F13B: variants seen among roughly 807,000 people sequenced by gnomAD.
F13B encodes the protein TGase.
A neutral mutation model predicts 79.8 loss-of-function variants in F13B; 58 were observed. The ratio of observed to expected loss-of-function variants is 0.73; its 90% CI spans 0.59 to 0.90. F13B has a LOEUF of 0.90. Among genes scored for constraint, F13B ranks in the 40% least tolerant of loss-of-function variants. The probability of loss-of-function intolerance (pLI) is 0.00; values close to 1 mark genes in which losing one functional copy is unlikely to be tolerated. For missense variants in F13B, 773 were observed against 777.0 expected (o/e 0.99, Z 0.06); for synonymous variants, 283 against 260.3 (o/e 1.09, Z -0.84).
chr1:197,044,068 T>G (rs11586343), intron 10 of F13B, among the ~76,000 whole-genome samples: 71,882 of 150,612 alleles, frequency 0.48, 17,522 homozygotes, highest in Middle Eastern at 0.56. Flanking sequence ...TATATATATA[T>G]AGAGAGAGAG....
chr1:197,059,344 C>A (rs1361445136), intron 5 of F13B, among the ~76,000 whole-genome samples: 1 of 152,156 alleles, frequency 6.6e-6, no homozygotes, highest in Non-Finnish European at 1.5e-5. Context: ...AGTTACTGTA[C>A]AGTGCATTTA....
At chr1:197,046,037 G>C (rs1312157984) in intron 10 of F13B, among the ~76,000 whole-genome samples, 2 of 152,162 alleles carry the variant, frequency 1.3e-5, no homozygotes, top group African/African-American at 4.8e-5. Flanking sequence ...AGCTGTTCAT[G>C]ACAAACCCAC....
In F13B at chr1:197,040,570, T is replaced by C; in HGVS notation, c.1904A>G (p.Gln635Arg). 6.2e-7 allele frequency: 1 copy of C among 1,613,238 alleles called. No individual in the cohort carries two copies. Among genetic ancestry groups the C allele is most frequent in the Non-Finnish European group, 8.5e-7 (1 of 1,179,486 alleles). ...LYITGSILRM[Q>R]CDRGQLKYPR... ...ATATTTTAACTGCCCTCTGTCACAT[T>C]GCATTCTAAGTATAGATCCAGTAAT... is the stretch of plus-strand genomic sequence containing the variant. Residue 635 changes from glutamine to arginine, a missense_variant, in exon 11 of 12, where the codon CAA (glutamine) becomes CGA (arginine). Gln to Arg is a conservative substitution (Grantham distance 43). Transcript: ENST00000367412.
intron 10 of F13B, among the ~76,000 whole-genome samples, chr1:197,044,237 C>T (rs1207598653): frequency 6.6e-6 from 1 of 152,000 alleles, no homozygotes; most frequent in Non-Finnish European, 1.5e-5. Context: ...TTGCCTGGCT[C>T]AGCAGTTTCC....
chr1:197,060,515 ATTAATC>A lies in F13B; in HGVS notation c.650_655del (p.Arg217_Leu218del), dbSNP rs1655812134. 6.3e-7 allele frequency: 1 copy of A among 1,597,562 alleles called. No individual in the cohort carries two copies. Among genetic ancestry groups the A allele is most frequent in the Admixed American group, 1.7e-5 (1 of 58,120 alleles). ...TACAGGATGAAAATAACCATTTTCA[ATTAATC>A]TTAAAGAAGAGCACTTTAATTCTGC... On this transcript the variant is annotated inframe_deletion, in exon 5 of 12. Coordinates refer to ENST00000367412, the MANE Select transcript of F13B (RefSeq NM_001994.3).
Position 197,063,016 on chromosome 1 carries a change from C to A in F13B, c.106G>T (p.Ala36Ser). 4 of 1,612,878 alleles carry A rather than the reference C, an allele frequency of 2.5e-6. No homozygotes were observed. In the Middle Eastern group the frequency reaches 7.3e-4, roughly 293 times the overall value. ...GFPHVENGRI[A>S]QYYYTFKSFY... ...CTTTTAAAAGTATAGTAATATTGGG[C>A]AATTCTTCCATTTTCCACATGAGGA... The change falls in exon 2 of 12, where the codon GCC (alanine) becomes TCC (serine). Residue 36 changes from alanine (A) to serine (S), a missense_variant. Coordinates refer to ENST00000367412, the MANE Select transcript of F13B (RefSeq NM_001994.3).
chr1:197,060,632 A>G, intron 4 of F13B, 90 bp from the exon 5 acceptor site: 1 of 957,776 alleles, frequency 1.0e-6, no homozygotes, highest in South Asian at 1.6e-5. Flanking sequence ...TAACTAGAAT[A>G]GAAATTAAAT....
rs375895783 is a variant in F13B, at chr1:197,062,293, G to A, written c.266-324C>T. ...TTACTCTGGGTCACCTGCCCTAGTG[G>A]AAGATCATTGATAGTTTGATGATAG... On this transcript the variant is annotated intron_variant, in intron 2 of 11. Transcript: ENST00000367412. Among the ~76,000 whole-genome samples, 87 of 152,200 alleles carry A rather than the reference G, an allele frequency of 5.7e-4. No individual in the cohort carries two copies. In the East Asian group the frequency reaches 7.9e-3, roughly 14 times the overall value.
rs1654958591 is a variant in F13B, at chr1:197,039,487, A to AT, written c.1953-77dup. ...TGTTAATTACAATCTCAGCCTTTCA[A>AT]TTTTTCATATAATGAGTCATTGTTT... On this transcript the variant is annotated intron_variant, in intron 11 of 11. Transcript: ENST00000367412. The AT allele has an allele frequency of 5.3e-6, 6 of 1,127,246 alleles. No homozygotes were observed. The South Asian group carries it at 7.9e-5, about 15-fold the overall frequency. The allele number at this position is 1,127,246 out of a possible 1,614,324, so 69.8% of individuals were successfully genotyped here. A position where few individuals can be genotyped will look rare whatever the true frequency, so the allele number is the denominator to read the frequency against.
Position 197,039,385 on chromosome 1 carries a change from C to A in F13B, c.1979G>T (p.Arg660Ile), listed in dbSNP as rs149959295. 6 of 1,610,274 alleles carry A rather than the reference C, an allele frequency of 3.7e-6. No homozygotes were observed. Among genetic ancestry groups the A allele is most frequent in the African/African-American group, 2.7e-5 (2 of 74,786 alleles). Residue 660 changes from arginine to isoleucine, a missense_variant, in exon 12 of 12, where the codon AGA becomes ATA. Arg to Ile is a moderately conservative substitution (Grantham distance 97). Coordinates refer to ENST00000367412, the MANE Select transcript of F13B (RefSeq NM_001994.3). ...TCTTTCTGCCATTCATTTCTATGTT[C>A]TTAAGGGTTCTTGATAAGACAGAGT... is the stretch of plus-strand genomic sequence containing the variant. ...QSTLSYQEPL[R>I]T
chr1:197,057,526 A>C lies in F13B; in HGVS notation c.806-61T>G, dbSNP rs1453110476. The C allele has an allele frequency of 1.7e-5, 25 of 1,509,292 alleles. No individual in the cohort carries two copies. The East Asian group carries it at 5.6e-4, about 34-fold the overall frequency. The allele number at this position is 1,509,292 out of a possible 1,614,324, so 93.5% of individuals were successfully genotyped here. A position where few individuals can be genotyped will look rare whatever the true frequency, so the allele number is the denominator to read the frequency against. Reference sequence around the variant, plus strand: ...TAATTACAAAAAATAATAAAGATTAAATTAAAATATTCATCATGTCAAGCA... The same window carrying C: ...TAATTACAAAAAATAATAAAGATTACATTAAAATATTCATCATGTCAAGCA... On this transcript the variant is annotated intron_variant, in intron 5 of 11. Coordinates refer to ENST00000367412, the MANE Select transcript of F13B (RefSeq NM_001994.3).
At chr1:197,060,308 TAG>T in intron 5 of F13B, 56 bp downstream of exon 5, 1 of 1,344,516 alleles carries the variant, frequency 7.4e-7, no homozygotes, top group Non-Finnish European at 1.1e-6. Flanking sequence ...TCAGAGCTAA[TAG>T]AGATTAAAGC....
intron 8 of F13B, among the ~76,000 whole-genome samples, chr1:197,055,159 G>T (rs1655593634): frequency 6.6e-6 from 1 of 151,952 alleles, no homozygotes; most frequent in African/African-American, 2.4e-5. Context: ...GTGTGTGCTT[G>T]TGTGTGTAAA....
intron 10 of F13B, among the ~76,000 whole-genome samples, chr1:197,041,060 A>C (rs1014117861): frequency 9.2e-5 from 14 of 152,142 alleles, no homozygotes; most frequent in Non-Finnish European, 2.9e-5. Context: ...TTTGGGGGGA[A>C]GCATTGACAG....
intron 1 of F13B, among the ~76,000 whole-genome samples, chr1:197,066,650 C>T (rs1413630165): frequency 6.6e-6 from 1 of 152,180 alleles, no homozygotes; most frequent in African/African-American, 2.4e-5. Flanking sequence ...GGTTCACCTA[C>T]TAATCACTAC....
chr1:197,041,699 T>C (rs1655042515), intron 10 of F13B, among the ~76,000 whole-genome samples: 1 of 152,218 alleles, frequency 6.6e-6, no homozygotes, highest in Admixed American at 6.5e-5. Context: ...GTCATTCTTT[T>C]GGAACATGTT....
Position 197,050,726 on chromosome 1 carries a change from C to T in F13B, c.1709G>A (p.Gly570Glu). ...EGSREAYCLD[G>E]MWTTPPLCLE... ...ACACAATGGTGGTGTAGTCCACATT[C>T]CATCTAAACAATAGGCCTCCCTAGA... Residue 570 changes from glycine to glutamate, a missense_variant, in exon 10 of 12, where the codon GGA becomes GAA. Transcript: ENST00000367412. 1 of 1,613,152 alleles carries T rather than the reference C, an allele frequency of 6.2e-7. No homozygotes were observed. Among genetic ancestry groups the T allele is most frequent in the Non-Finnish European group, 8.5e-7 (1 of 1,179,500 alleles).
intron 1 of F13B, among the ~76,000 whole-genome samples, chr1:197,066,449 T>G (rs1385978530): frequency 2.0e-5 from 3 of 152,178 alleles, no homozygotes; most frequent in Admixed American, 2.0e-4. Flanking sequence ...AACATACCCA[T>G]GTACACTGCC....
At position 197,057,084 on chromosome 1, in the gene F13B, C is replaced by A; in HGVS notation, c.1100G>T (p.Gly367Val). The change falls in exon 7 of 12, where the codon GGC becomes GTC. Residue 367 changes from glycine to valine, a missense_variant. Coordinates refer to ENST00000367412, the MANE Select transcript of F13B (RefSeq NM_001994.3). ...GDKVTYACKS[G>V]YLLHGSNEIT... The stretch of plus-strand genomic sequence containing the variant: ...CTCATTCGATCCATGGAGAAGGTAG[C>A]CGCTTTTACATGCATATGTCACTTT... 1 of 1,613,782 alleles carries A rather than the reference C, an allele frequency of 6.2e-7. No individual in the cohort carries two copies. Among genetic ancestry groups the A allele is most frequent in the Non-Finnish European group, 8.5e-7 (1 of 1,179,892 alleles).
Sources: allele counts gnomAD v4.1 joint callset (sites outside exome capture counted in the v4.1 genomes callset), GRCh38; gene constraint gnomAD v4.1.1; transcripts MANE v1.5; gene names NCBI Gene and HGNC (gene_info 2026-07-23, HGNC 2026-07-21).